Variants in CAMK2D observed in about 807,000 individuals in gnomAD.
CAMK2D encodes the protein calcium/calmodulin-dependent protein kinase type II subunit delta.
A neutral mutation model predicts 84.0 loss-of-function variants in CAMK2D; 37 were observed. That is an observed-to-expected ratio of 0.44 (90% CI 0.34 to 0.58). CAMK2D has a LOEUF of 0.58. Among genes scored for constraint, CAMK2D ranks in the 20% least tolerant of loss-of-function variants. CAMK2D has a pLI of 0.02. For synonymous variants in CAMK2D, 202 were observed against 212.5 expected, an observed-to-expected ratio of 0.95 and a Z score of 0.43; for missense variants, 448 against 652.5, an observed-to-expected ratio of 0.69 and a Z score of 3.41.
At chr4:113,653,574 A>G (rs1166392743) in intron 3 of CAMK2D, among the ~76,000 whole-genome samples, 1 of 152,066 alleles carries the variant, frequency 6.6e-6, no homozygotes, top group Non-Finnish European at 1.5e-5. Context: ...ACTGTTGCTC[A>G]ACTTCTGATG....
chr4:113,748,024 T>C (rs1244386869), intron 2 of CAMK2D, among the ~76,000 whole-genome samples: 1 of 151,836 alleles, frequency 6.6e-6, no homozygotes, highest in African/African-American at 2.4e-5. Context: ...ACTTGTTTTT[T>C]TTCCTACCTA....
Position 113,452,872 on chromosome 4 carries a change from C to CA in CAMK2D, c.*1672dup, listed in dbSNP as rs1281442036. 6.6e-6 allele frequency: 1 copy of CA among 152,462 alleles called. No individual in the cohort carries two copies. Among genetic ancestry groups the CA allele is most frequent in the Non-Finnish European group, 1.5e-5 (1 of 68,006 alleles). The allele number at this position is 152,462 out of a possible 1,614,324, so 9.4% of individuals were successfully genotyped here. A position where few individuals can be genotyped will look rare whatever the true frequency, so the allele number is the denominator to read the frequency against. On this transcript the variant is annotated 3_prime_UTR_variant, in exon 21 of 21. Transcript: ENST00000511664. ...TGTGTAATAATTATCAGAAAAGCTT[C>CA]AACCCATCTACCATACATCCACTAG... is the stretch of plus-strand genomic sequence containing the variant.
At chr4:113,474,936 C>T (rs909802815) in intron 16 of CAMK2D, among the ~76,000 whole-genome samples, 33 of 152,244 alleles carry the variant, frequency 2.2e-4, no homozygotes, top group African/African-American at 6.7e-4. Flanking sequence ...CGTGAGCCAC[C>T]GTGCCTGGCG....
chr4:113,746,252 A>C (rs1017230790), intron 2 of CAMK2D, among the ~76,000 whole-genome samples: 1 of 152,192 alleles, frequency 6.6e-6, no homozygotes, highest in Non-Finnish European at 1.5e-5. Flanking sequence ...TGGTATTTCT[A>C]AGTTTAGATT....
At chr4:113,518,802 A>G (rs2098320298) in intron 8 of CAMK2D, among the ~76,000 whole-genome samples, 1 of 152,122 alleles carries the variant, frequency 6.6e-6, no homozygotes, top group East Asian at 1.9e-4. Flanking sequence ...GGACATCTTT[A>G]TACAATAGAC....
At chr4:113,623,647 A>G (rs994435448) in intron 3 of CAMK2D, among the ~76,000 whole-genome samples, 5 of 152,160 alleles carry the variant, frequency 3.3e-5, no homozygotes, top group Admixed American at 2.0e-4. Context: ...TGCTTATCTG[A>G]GCATAGAAAA....
intron 14 of CAMK2D, 28 bp from the exon 15 acceptor site, chr4:113,503,005 A>T (rs2098077567): frequency 6.5e-7 from 1 of 1,548,294 alleles, no homozygotes; most frequent in South Asian, 1.1e-5. Flanking sequence ...AGAGAAAGAA[A>T]CAGTTCGCAT....
At chr4:113,479,967 T>C (rs1247653823) in intron 16 of CAMK2D, among the ~76,000 whole-genome samples, 1 of 152,136 alleles carries the variant, frequency 6.6e-6, no homozygotes, top group African/African-American at 2.4e-5. Flanking sequence ...ATATTATTAT[T>C]ATTTTTGTTT....
chr4:113,527,231 A>AGAT (rs532484577), intron 8 of CAMK2D, among the ~76,000 whole-genome samples: 68 of 152,076 alleles, frequency 4.5e-4, no homozygotes, highest in Non-Finnish European at 7.8e-4. Flanking sequence ...CTGAAGACTC[A>AGAT]GATGATGATG....
chr4:113,577,120 G>A (rs2098786796), intron 4 of CAMK2D, among the ~76,000 whole-genome samples: 1 of 151,962 alleles, frequency 6.6e-6, no homozygotes, highest in Non-Finnish European at 1.5e-5. Context: ...TTTACTTTGG[G>A]GTTTTGGTTT....
At chr4:113,471,857 T>C (rs1036076863) in intron 16 of CAMK2D, among the ~76,000 whole-genome samples, 1 of 152,190 alleles carries the variant, frequency 6.6e-6, no homozygotes, top group Admixed American at 6.5e-5. Context: ...CAAAGTTCTC[T>C]GTTTTAAAGA....
chr4:113,706,134 C>A (rs1488065491), intron 2 of CAMK2D, among the ~76,000 whole-genome samples: 1 of 152,118 alleles, frequency 6.6e-6, no homozygotes, highest in East Asian at 1.9e-4. Flanking sequence ...TACAAAATGG[C>A]TAATTGTAGG....
intron 2 of CAMK2D, among the ~76,000 whole-genome samples, chr4:113,705,576 G>A (rs776681905): frequency 2.0e-5 from 3 of 152,098 alleles, no homozygotes; most frequent in Admixed American, 1.3e-4. Flanking sequence ...TGAACTAAGC[G>A]CTAGGTATAT....
intron 4 of CAMK2D, among the ~76,000 whole-genome samples, chr4:113,596,161 A>T (rs1032184414): frequency 1.3e-5 from 2 of 152,194 alleles, no homozygotes; most frequent in African/African-American, 2.4e-5. Flanking sequence ...TTGCTCATTC[A>T]TAAGAAGCAA....
intron 7 of CAMK2D, among the ~76,000 whole-genome samples, chr4:113,532,918 A>G (rs1043366247): frequency 6.7e-6 from 1 of 150,080 alleles, no homozygotes; most frequent in Non-Finnish European, 1.5e-5. Flanking sequence ...TTTCCATCTT[A>G]GAGCTCTCCT....
At chr4:113,615,682 G>T (rs905993671) in intron 3 of CAMK2D, among the ~76,000 whole-genome samples, 10 of 151,900 alleles carry the variant, frequency 6.6e-5, no homozygotes, top group Admixed American at 1.3e-4. Flanking sequence ...CTGTTTTTTT[G>T]AAATAGAGAT....
rs552656129 is a variant in CAMK2D at position 113,555,276 on chromosome 4, G to A, written c.276-3180C>T. ...ACCCAAGGAATAGCACTGACTTGGA[G>A]ATTAAAAGCAGTGCTCGAGGTGGTG... On this transcript the variant is annotated intron_variant, in intron 4 of 20. Coordinates refer to ENST00000511664, the MANE Select transcript of CAMK2D (RefSeq NM_001321571.2). 4.6e-5 allele frequency among the ~76,000 whole-genome samples: 7 copies of A among 152,306 alleles called. 1 individual carries two copies. The South Asian group carries it at 1.4e-3, about 32-fold the overall frequency.
At chr4:113,606,496 G>GAA (rs112614438) in intron 4 of CAMK2D, among the ~76,000 whole-genome samples, 67 of 126,648 alleles carry the variant, frequency 5.3e-4, no homozygotes, top group Middle Eastern at 3.9e-3. Flanking sequence ...CTCTGTCTCA[G>GAA]AAAAAAAAAA....
At chr4:113,571,299 CA>C (rs1242768305) in intron 4 of CAMK2D, among the ~76,000 whole-genome samples, 1 of 152,066 alleles carries the variant, frequency 6.6e-6, no homozygotes, top group Non-Finnish European at 1.5e-5. Context: ...GGTATATATT[CA>C]AAGGATATAA....
Sources: allele counts gnomAD v4.1 joint callset (sites outside exome capture counted in the v4.1 genomes callset), GRCh38; gene constraint gnomAD v4.1.1; transcripts MANE v1.5; gene names NCBI Gene and HGNC (gene_info 2026-07-23, HGNC 2026-07-21).